CRTC3: variants seen among roughly 807,000 people sequenced by gnomAD.
CRTC3 encodes CREB regulated transcription coactivator 3, also known as CREB-regulated transcription coactivator 3.
In CRTC3, 26 loss-of-function variants were observed where a neutral mutation model predicts 74.5. The observed-to-expected ratio is 0.35, with a 90% confidence interval of 0.26 to 0.48. The LOEUF (loss-of-function observed/expected upper bound fraction) is 0.48. Among genes scored for constraint, CRTC3 ranks in the 20% least tolerant of loss-of-function variants. The pLI is 0.99. For missense variants in CRTC3, 760 were observed against 787.3 expected (o/e 0.97, Z 0.41); for synonymous variants, 377 against 325.8 (o/e 1.16, Z -1.69).
intron 2 of CRTC3, among the ~76,000 whole-genome samples, chr15:90,574,414 G>T (rs914436386): frequency 2.0e-5 from 3 of 152,122 alleles, no homozygotes; most frequent in African/African-American, 7.2e-5. Context: ...AGAGGCGGAG[G>T]TTGCAGTGAG....
intron 1 of CRTC3, among the ~76,000 whole-genome samples, chr15:90,537,996 C>A (rs1391850836): frequency 6.6e-6 from 1 of 152,182 alleles, no homozygotes; most frequent in African/African-American, 2.4e-5. Flanking sequence ...AGGTCCCTAT[C>A]TGGATTTATA....
At chr15:90,634,105 C>T (rs1046860616) in intron 11 of CRTC3, among the ~76,000 whole-genome samples, 10 of 129,852 alleles carry the variant, frequency 7.7e-5, no homozygotes, top group African/African-American at 2.6e-4. Flanking sequence ...CATCATTTAC[C>T]CTCAACAATT....
At chr15:90,535,233 C>T (rs1027486684) in intron 1 of CRTC3, among the ~76,000 whole-genome samples, 18 of 151,604 alleles carry the variant, frequency 1.2e-4, no homozygotes, top group African/African-American at 3.9e-4. Context: ...TAAGGAACTA[C>T]ACCATTTGAA....
intron 9 of CRTC3, chr15:90,620,083 C>A (rs921002933): frequency 2.7e-5 from 9 of 339,128 alleles, no homozygotes; most frequent in Non-Finnish European, 4.9e-5. Context: ...GTGTCAGAAG[C>A]AGAAACGTGC....
chr15:90,532,359 A>G (rs1966641550), intron 1 of CRTC3, among the ~76,000 whole-genome samples: 1 of 152,230 alleles, frequency 6.6e-6, no homozygotes, highest in Admixed American at 6.5e-5. Flanking sequence ...TGCGTCTCTA[A>G]GGATCCAAAG....
chr15:90,539,423 A>G (rs146032239), intron 1 of CRTC3, among the ~76,000 whole-genome samples: 1 of 152,054 alleles, frequency 6.6e-6, no homozygotes, highest in African/African-American at 2.4e-5. Context: ...TATGTATATT[A>G]TAAACTCTTT....
intron 11 of CRTC3, among the ~76,000 whole-genome samples, chr15:90,636,321 T>C (rs1969234961): frequency 6.7e-6 from 1 of 149,628 alleles, no homozygotes; most frequent in African/African-American, 2.4e-5. Context: ...ATTCCCTATT[T>C]AATAAATGGT....
intron 3 of CRTC3, chr15:90,600,559 A>G (rs1207907929): frequency 6.6e-6 from 1 of 152,154 alleles, no homozygotes; most frequent in East Asian, 1.9e-4. Flanking sequence ...CTGACCCCTG[A>G]TCCACCAGGC....
At chr15:90,612,567 A>C in intron 6 of CRTC3, among the ~76,000 whole-genome samples, 1 of 151,910 alleles carries the variant, frequency 6.6e-6, no homozygotes, top group East Asian at 1.9e-4. Flanking sequence ...TTAAACCTCG[A>C]GTGACTGGTG....
intron 9 of CRTC3, among the ~76,000 whole-genome samples, chr15:90,624,062 T>C (rs1045926037): frequency 1.3e-5 from 2 of 152,026 alleles, no homozygotes; most frequent in African/African-American, 4.8e-5. Context: ...CACTACTGAA[T>C]TGTATTATGT....
intron 9 of CRTC3, chr15:90,625,185 C>T (rs1968788739): frequency 1.3e-5 from 2 of 156,958 alleles, no homozygotes; most frequent in South Asian, 3.8e-4. Flanking sequence ...TTGCTCCAGG[C>T]CTGTACATTT....
In CRTC3 at chr15:90,645,030, TCTC is replaced by T. The variant is rs1230808227; in HGVS notation, c.*2895_*2897del. On this transcript the variant is annotated 3_prime_UTR_variant, in exon 15 of 15. Coordinates refer to ENST00000268184, the MANE Select transcript of CRTC3 (RefSeq NM_022769.5). Reference sequence around the variant, plus strand: ...TTTGTCCTGTTTCTCCTGTTTCATTTCTCCTCCGCCTGCTGTATATTACCTGAG... The same window carrying T: ...TTTGTCCTGTTTCTCCTGTTTCATTTCTCCGCCTGCTGTATATTACCTGAG... 4.3e-6 allele frequency: 1 copy of T among 231,876 alleles called. No individual in the cohort carries two copies. The highest frequency in any genetic ancestry group is 6.1e-5 in the East Asian group (1 of 16,432). The allele number at this position is 231,876 out of a possible 1,614,324, so 14.4% of individuals were successfully genotyped here. A position where few individuals can be genotyped will look rare whatever the true frequency, so the allele number is the denominator to read the frequency against.
chr15:90,555,516 T>C (rs1423131059), intron 2 of CRTC3, among the ~76,000 whole-genome samples: 1 of 152,142 alleles, frequency 6.6e-6, no homozygotes, highest in East Asian at 1.9e-4. Flanking sequence ...TTTTTTCTTT[T>C]TCTTTTATTT....
intron 1 of CRTC3, 75 bp from the exon 2 acceptor site, chr15:90,539,964 C>CA (rs1237005947): frequency 9.7e-7 from 1 of 1,033,806 alleles, no homozygotes; most frequent in Non-Finnish European, 1.5e-6. Flanking sequence ...CGTTCCCCTA[C>CA]AAAATACTAT....
At chr15:90,607,255 T>C (rs1968246815) in intron 5 of CRTC3, 123 bp from the exon 6 acceptor site, 3 of 627,342 alleles carry the variant, frequency 4.8e-6, no homozygotes, top group Non-Finnish European at 8.5e-6. Context: ...AACCCCTTAT[T>C]TGATGGTTGA....
At chr15:90,562,891 G>A (rs1239514312) in intron 2 of CRTC3, among the ~76,000 whole-genome samples, 1 of 152,078 alleles carries the variant, frequency 6.6e-6, no homozygotes, top group Non-Finnish European at 1.5e-5. Flanking sequence ...AGAATGGGGT[G>A]GGCCAACAGG....
intron 3 of CRTC3, among the ~76,000 whole-genome samples, chr15:90,597,385 C>T (rs956815132): frequency 6.6e-6 from 1 of 152,180 alleles, no homozygotes; most frequent in African/African-American, 2.4e-5. Flanking sequence ...AAATGCCTTC[C>T]TTGAAAGGAA....
At chr15:90,572,538 G>C (rs766537135) in intron 2 of CRTC3, among the ~76,000 whole-genome samples, 1 of 152,078 alleles carries the variant, frequency 6.6e-6, no homozygotes, top group Non-Finnish European at 1.5e-5. Flanking sequence ...ATGAGTGTCT[G>C]TTCTTTCATA....
intron 2 of CRTC3, among the ~76,000 whole-genome samples, chr15:90,550,594 C>T (rs1273271969): frequency 6.6e-6 from 1 of 152,038 alleles, no homozygotes. Context: ...CCCTTTAATA[C>T]TCAAGCAGCC....
Sources: gnomAD v4.1 joint callset for allele counts (sites outside exome capture counted in the v4.1 genomes callset) on GRCh38, gnomAD v4.1.1 for gene constraint, MANE v1.5 for transcripts, NCBI Gene and HGNC (gene_info 2026-07-23, HGNC 2026-07-21) for gene names.